Variants in CDH13 observed in about 807,000 individuals in gnomAD.
CDH13 encodes the protein cadherin-13.
Under a neutral mutation model 63.8 loss-of-function variants are expected in CDH13, and 24 were observed. The observed-to-expected ratio is 0.38, with a 90% CI of 0.27 to 0.53. The LOEUF is 0.53. CDH13 is among the 20% of genes least tolerant of loss of function. CDH13 has a pLI of 0.85. For missense variants in CDH13, 1,049 were observed against 903.1 expected, an observed-to-expected ratio of 1.16 and a Z score of -2.07; for synonymous variants, 503 against 355.3, an observed-to-expected ratio of 1.42 and a Z score of -4.67.
chr16:83,485,228 A>C (rs1005021824), intron 6 of CDH13, among the ~76,000 whole-genome samples: 8 of 152,214 alleles, frequency 5.3e-5, no homozygotes, highest in Admixed American at 4.6e-4. Flanking sequence ...ATTTGCACAG[A>C]TCCCTTGCGG....
At chr16:83,068,774 A>G (rs977865826) in intron 3 of CDH13, among the ~76,000 whole-genome samples, 9 of 152,182 alleles carry the variant, frequency 5.9e-5, no homozygotes, top group African/African-American at 2.2e-4. Context: ...TAAGTCTGCA[A>G]GTTCATGGAG....
intron 6 of CDH13, among the ~76,000 whole-genome samples, chr16:83,404,637 A>T (rs1164402532): frequency 6.6e-6 from 1 of 152,176 alleles, no homozygotes; most frequent in East Asian, 1.9e-4. Context: ...ACACACACCA[A>T]ATATTTCAAA....
At chr16:82,793,587 G>C (rs1301926354) in intron 1 of CDH13, among the ~76,000 whole-genome samples, 1 of 152,062 alleles carries the variant, frequency 6.6e-6, no homozygotes, top group Non-Finnish European at 1.5e-5. Flanking sequence ...CCCCTGCTGG[G>C]CCGCATCATT....
chr16:82,656,264 G>C (rs1441516642), intron 1 of CDH13, among the ~76,000 whole-genome samples: 2 of 151,946 alleles, frequency 1.3e-5, no homozygotes, highest in Non-Finnish European at 2.9e-5. Context: ...GGCTCAGTGT[G>C]GCTGGAGAAA....
At chr16:83,599,931 A>G (rs757444129) in intron 7 of CDH13, among the ~76,000 whole-genome samples, 48 of 152,192 alleles carry the variant, frequency 3.2e-4, no homozygotes, top group Non-Finnish European at 5.1e-4. Flanking sequence ...AAGGTAGCCA[A>G]TTTACTGGTT....
intron 4 of CDH13, among the ~76,000 whole-genome samples, chr16:83,159,098 T>C (rs1397201918): frequency 6.6e-6 from 1 of 152,208 alleles, no homozygotes; most frequent in Non-Finnish European, 1.5e-5. Context: ...TTCCATGTCT[T>C]GTAGCTTATC....
At chr16:82,722,308 C>T (rs1398561806) in intron 1 of CDH13, among the ~76,000 whole-genome samples, 4 of 152,126 alleles carry the variant, frequency 2.6e-5, no homozygotes, top group Admixed American at 2.6e-4. Context: ...CATCTCTTGG[C>T]TCTACTTTTT....
At chr16:82,926,087 C>G (rs1437100018) in intron 2 of CDH13, 1 of 152,134 alleles carries the variant, frequency 6.6e-6, no homozygotes, top group African/African-American at 2.4e-5. Flanking sequence ...GCAGCTTTAT[C>G]TTGCATAAAT....
At chr16:83,575,736 A>T (rs1426811380) in intron 7 of CDH13, among the ~76,000 whole-genome samples, 2 of 152,176 alleles carry the variant, frequency 1.3e-5, no homozygotes, top group Non-Finnish European at 2.9e-5. Flanking sequence ...TCCTTCATGG[A>T]GGTGCTTTCA....
In CDH13 at chr16:83,746,154, C is replaced by T. The variant is rs138451621; in HGVS notation, c.1539-1954C>T. Reference sequence around the variant, plus strand: ...TGGAGGCTAGAAATTTATTCTCCCACAGTTCTGGAGGACAGAAGTCCAAAA... The same window carrying T: ...TGGAGGCTAGAAATTTATTCTCCCATAGTTCTGGAGGACAGAAGTCCAAAA... On this transcript the variant is annotated intron_variant, in intron 10 of 13. Coordinates refer to ENST00000567109, the MANE Select transcript of CDH13 (RefSeq NM_001257.5). Among the ~76,000 whole-genome samples the T allele has an allele frequency of 4.6e-3, 702 of 152,332 alleles. 8 individuals carry two copies. Among genetic ancestry groups the T allele is most frequent in the African/African-American group, 0.016 (678 of 41,564 alleles).
intron 2 of CDH13, among the ~76,000 whole-genome samples, chr16:83,001,579 T>G (rs1912935796): frequency 6.6e-6 from 1 of 152,188 alleles, no homozygotes; most frequent in Admixed American, 6.5e-5. Context: ...CTGGGAGGTA[T>G]TTATGTAAAT....
intron 10 of CDH13, chr16:83,726,204 G>C (rs535888472): frequency 1.3e-5 from 2 of 152,184 alleles, no homozygotes; most frequent in South Asian, 2.1e-4. Context: ...TAATGTATCA[G>C]TTAGAAGGCA....
chr16:83,265,798 T>C (rs1255693535), intron 5 of CDH13, among the ~76,000 whole-genome samples: 1 of 147,680 alleles, frequency 6.8e-6, no homozygotes, highest in Non-Finnish European at 1.5e-5. Context: ...TTTGTGAATC[T>C]TTGCTGCCGT....
intron 1 of CDH13, among the ~76,000 whole-genome samples, chr16:82,651,899 G>A (rs1372123882): frequency 2.0e-5 from 3 of 152,222 alleles, no homozygotes; most frequent in African/African-American, 7.2e-5. Flanking sequence ...AGGCTGCTAG[G>A]TCAGTCCAGG....
chr16:82,849,703 G>C (rs2039402184), intron 1 of CDH13, among the ~76,000 whole-genome samples: 1 of 152,178 alleles, frequency 6.6e-6, no homozygotes, highest in Non-Finnish European at 1.5e-5. Flanking sequence ...AAGAAGTAAA[G>C]GACAAGCAAA....
At chr16:83,722,434 G>T (rs1006685037) in intron 10 of CDH13, among the ~76,000 whole-genome samples, 6 of 152,182 alleles carry the variant, frequency 3.9e-5, no homozygotes, top group African/African-American at 1.4e-4. Flanking sequence ...CCATCTCTTT[G>T]TAGCTGTGCA....
chr16:83,691,726 C>T (rs1239473891), intron 10 of CDH13, among the ~76,000 whole-genome samples: 1 of 152,048 alleles, frequency 6.6e-6, no homozygotes, highest in Non-Finnish European at 1.5e-5. Flanking sequence ...CCCCAGGAGT[C>T]GAACGGACCT....
intron 7 of CDH13, among the ~76,000 whole-genome samples, chr16:83,548,121 A>T (rs2075422616): frequency 6.6e-6 from 1 of 152,034 alleles, no homozygotes. Context: ...GCTAGCCAAG[A>T]GCAGGTGTCC....
intron 2 of CDH13, among the ~76,000 whole-genome samples, chr16:82,888,201 C>T (rs2040958338): frequency 6.6e-6 from 1 of 152,200 alleles, no homozygotes; most frequent in Non-Finnish European, 1.5e-5. Flanking sequence ...TCCTCTATGA[C>T]CTTGCCATAG....
Sources: allele counts gnomAD v4.1 joint callset (sites outside exome capture counted in the v4.1 genomes callset), GRCh38; gene constraint gnomAD v4.1.1; transcripts MANE v1.5; gene names NCBI Gene and HGNC (gene_info 2026-07-23, HGNC 2026-07-21).